BRD1: variants seen among roughly 807,000 people sequenced by gnomAD.
The protein encoded by BRD1 is bromodomain containing 1.
Under a neutral mutation model 107.7 loss-of-function variants are expected in BRD1, and 24 were observed. The observed-to-expected ratio is 0.22, with a 90% CI of 0.16 to 0.31. The LOEUF (loss-of-function observed/expected upper bound fraction) is 0.31. BRD1 is among the 10% of genes least tolerant of loss of function. The pLI is 1.00. For synonymous variants in BRD1, 744 were observed against 686.1 expected, an observed-to-expected ratio of 1.08 and a Z score of -1.32; for missense variants, 1,279 against 1,638.6, an observed-to-expected ratio of 0.78 and a Z score of 3.79.
intron 6 of BRD1, among the ~76,000 whole-genome samples, chr22:49,796,809 TGATGGCGGGAAGCGGACCCCAC>T (rs1370532057): frequency 6.6e-6 from 1 of 152,172 alleles, no homozygotes; most frequent in Non-Finnish European, 1.5e-5. Flanking sequence ...TTGAATCCCA[TGATGGCGGGAAGCGGACCCCAC>T]GATGGCGGGA....
chr22:49,812,891 A>G (rs1017180427), intron 2 of BRD1, among the ~76,000 whole-genome samples: 6 of 152,186 alleles, frequency 3.9e-5, no homozygotes, highest in Admixed American at 1.3e-4. Context: ...GGACGCACCA[A>G]GGACCTCACA....
At chr22:49,804,155 G>T in intron 3 of BRD1, 49 bp downstream of exon 3, 1 of 1,500,190 alleles carries the variant, frequency 6.7e-7, no homozygotes, top group Non-Finnish European at 8.9e-7. Flanking sequence ...CTCCCTGGAG[G>T]GTGGGGGTGA....
chr22:49,818,466 TTTGTC>T, intron 2 of BRD1: 1 of 947,904 alleles, frequency 1.1e-6, no homozygotes, highest in Non-Finnish European at 1.3e-6. Context: ...GGAAACCCTG[TTTGTC>T]TTTTCACCCC....
intron 9 of BRD1, 90 bp from the exon 10 acceptor site, chr22:49,777,251 C>T: frequency 6.4e-7 from 1 of 1,567,802 alleles, no homozygotes; most frequent in Non-Finnish European, 8.6e-7. Context: ...CGCCACCAAG[C>T]TGGCCACGCA....
chr22:49,800,877 A>G (rs573106859), intron 3 of BRD1, among the ~76,000 whole-genome samples: 6 of 152,342 alleles, frequency 3.9e-5, no homozygotes, highest in African/African-American at 9.6e-5. Flanking sequence ...TTCCAGACAC[A>G]TGGGGGAGAC....
In BRD1 at chr22:49,813,441, C is replaced by G. The variant is rs1446433470; in HGVS notation, c.1368-9081G>C. ...GTTTCACCATGTTGGCCAGGATGAT[C>G]TCAATCTCTTGACCTCGTGATCCGC... On this transcript the variant is annotated intron_variant, in intron 2 of 12. Coordinates refer to ENST00000404760, the MANE Select transcript of BRD1 (RefSeq NM_001304808.3). Among the ~76,000 whole-genome samples the G allele has an allele frequency of 2.6e-5, 4 of 151,416 alleles. No homozygotes were observed. The South Asian group carries it at 8.5e-4, about 32-fold the overall frequency.
intron 2 of BRD1, among the ~76,000 whole-genome samples, chr22:49,810,750 C>T (rs547167573): frequency 6.6e-6 from 1 of 152,194 alleles, no homozygotes; most frequent in Non-Finnish European, 1.5e-5. Flanking sequence ...AACCCCCGAG[C>T]GATCGCTGCC....
chr22:49,820,129 C>CA (rs1162507806), intron 2 of BRD1, among the ~76,000 whole-genome samples: 3 of 148,478 alleles, frequency 2.0e-5, no homozygotes, highest in East Asian at 3.9e-4. Context: ...GACTCCACCT[C>CA]AAAAAAAAGG....
intron 3 of BRD1, among the ~76,000 whole-genome samples, chr22:49,801,160 G>A (rs915820414): frequency 2.6e-5 from 4 of 152,248 alleles, no homozygotes; most frequent in African/African-American, 9.6e-5. Flanking sequence ...TCCCAGGACA[G>A]GAAGGGTGGG....
chr22:49,789,491 C>T (rs2059390802), intron 7 of BRD1, among the ~76,000 whole-genome samples: 1 of 134,506 alleles, frequency 7.4e-6, no homozygotes, highest in Middle Eastern at 3.8e-3. Flanking sequence ...CTCCTAGCCT[C>T]CCCCCCCCGC....
At chr22:49,788,766 G>A (rs976488344) in intron 7 of BRD1, among the ~76,000 whole-genome samples, 2 of 152,128 alleles carry the variant, frequency 1.3e-5, no homozygotes, top group South Asian at 2.1e-4. Context: ...AAGCAGGACC[G>A]GTACTGACAA....
chr22:49,820,421 G>GC (rs1411505710), intron 2 of BRD1, among the ~76,000 whole-genome samples: 1 of 151,894 alleles, frequency 6.6e-6, no homozygotes, highest in African/African-American at 2.4e-5. Flanking sequence ...CAGCATCCCC[G>GC]CCCACGGCTG....
chr22:49,776,216 G>GC lies in BRD1; in HGVS notation c.3122-58dup, dbSNP rs781095199. 1.3e-4 allele frequency: 197 copies of GC among 1,475,448 alleles called. 1 individual carries two copies. The highest frequency in any genetic ancestry group is 1.1e-3 in the Admixed American group (60 of 55,496). 91.4% of individuals were successfully genotyped at this position (1,475,448 alleles called of 1,614,324 possible). Reference sequence around the variant, plus strand: ...GTCAGCAGGACACGGGGCACGCCCCGCCCCCCCACAAAAGGTGCAGCAACA... The same window carrying GC: ...GTCAGCAGGACACGGGGCACGCCCCGCCCCCCCCACAAAAGGTGCAGCAACA... On this transcript the variant is annotated intron_variant, in intron 10 of 12. Coordinates refer to ENST00000404760, the MANE Select transcript of BRD1 (RefSeq NM_001304808.3).
At chr22:49,826,822 G>A (rs184478118) in intron 1 of BRD1, among the ~76,000 whole-genome samples, 1 of 152,236 alleles carries the variant, frequency 6.6e-6, no homozygotes, top group Non-Finnish European at 1.5e-5. Context: ...CCGCGGGGCA[G>A]GGGGTCCCGC....
At position 49,787,655 on chromosome 22, in the gene BRD1, C is replaced by T. The variant is rs1011369050; in HGVS notation, c.2592G>A (p.Ala864=). The change falls in exon 8 of 13, where the codon GCG becomes GCA. Residue 864 remains alanine (A), a synonymous_variant. Coordinates refer to ENST00000404760, the MANE Select transcript of BRD1 (RefSeq NM_001304808.3). ...PTRASSGDVP[A]AAASAVAEPA... ...GCTCCGCCACCGCGGAGGCCGCCGCCGCCGGCACATCGCCACTACTGGCGC... is the reference window on the plus strand; with the variant it reads ...GCTCCGCCACCGCGGAGGCCGCCGCTGCCGGCACATCGCCACTACTGGCGC... The T allele has an allele frequency of 1.9e-5, 30 of 1,550,502 alleles. No individual in the cohort carries two copies. Among genetic ancestry groups the T allele is most frequent in the South Asian group, 3.6e-5 (3 of 84,078 alleles).
rs757900894 is a variant in BRD1 at position 49,824,222 on chromosome 22, G to A, written c.96C>T (p.Thr32=). 1.9e-6 allele frequency: 3 copies of A among 1,613,862 alleles called. No individual in the cohort carries two copies. The South Asian group carries it at 3.3e-5, about 18-fold the overall frequency. ...CTACCATCCTTTGAGCTTGAGCGTAGGTCAGCGTTTCTCGCGTAGGGGAGT... is the reference window on the plus strand; with the variant it reads ...CTACCATCCTTTGAGCTTGAGCGTAAGTCAGCGTTTCTCGCGTAGGGGAGT... ...VKHSPTRETL[T]YAQAQRMVEI... Residue 32 remains threonine, a synonymous_variant, in exon 2 of 13, where the codon ACC becomes ACT. Transcript: ENST00000404760. The surrounding 1 kb of genome is among the most constrained non-coding windows in gnomAD (Gnocchi z 5.9).
At chr22:49,826,046 C>T (rs1473126700) in intron 1 of BRD1, 2 of 448,248 alleles carry the variant, frequency 4.5e-6, no homozygotes. Flanking sequence ...CCCCGTGAGC[C>T]CTGCAGAGGT....
intron 8 of BRD1, 121 bp downstream of exon 8, chr22:49,787,269 A>C: frequency 4.7e-6 from 6 of 1,271,468 alleles, no homozygotes; most frequent in Non-Finnish European, 6.3e-6. Context: ...TCTGGAAATT[A>C]AGAGAATGCT....
chr22:49,780,474 CG>C (rs992065198), intron 8 of BRD1, among the ~76,000 whole-genome samples: 1 of 152,084 alleles, frequency 6.6e-6, no homozygotes, highest in Non-Finnish European at 1.5e-5. Flanking sequence ...GGAGGCCTGG[CG>C]GGGGTGGGAC....
Sources: gnomAD v4.1 joint callset for allele counts (sites outside exome capture counted in the v4.1 genomes callset) on GRCh38, gnomAD v4.1.1 for gene constraint, Gnocchi (gnomAD v3.1) non-coding constraint, MANE v1.5 for transcripts, NCBI Gene and HGNC (gene_info 2026-07-23, HGNC 2026-07-21) for gene names.